Variants in GPR158 observed in about 807,000 individuals in gnomAD.
GPR158 encodes the protein G protein-coupled receptor 158, also known as metabotropic glycine receptor.
In GPR158, 30 loss-of-function variants were observed where a neutral mutation model predicts 78.2. The ratio of observed to expected loss-of-function variants is 0.38; its 90% CI spans 0.29 to 0.52. GPR158 has a LOEUF of 0.52. Among genes scored for constraint, GPR158 ranks in the 20% least tolerant of loss-of-function variants. The probability of loss-of-function intolerance (pLI) is 0.83; values close to 1 mark genes in which losing one functional copy is unlikely to be tolerated. For missense variants in GPR158, 1,463 were observed against 1,523.5 expected (o/e 0.96, Z 0.66); for synonymous variants, 581 against 591.1 (o/e 0.98, Z 0.25).
intron 9 of GPR158, 129 bp from the exon 10 acceptor site, chr10:25,596,514 T>C: frequency 1.6e-6 from 1 of 628,458 alleles, no homozygotes; most frequent in Non-Finnish European, 2.8e-6. Context: ...TATCTATATA[T>C]ATAGATAGAT....
At chr10:25,305,493 G>C (rs1416887356) in intron 2 of GPR158, among the ~76,000 whole-genome samples, 1 of 152,150 alleles carries the variant, frequency 6.6e-6, no homozygotes, top group Non-Finnish European at 1.5e-5. Context: ...TATTATATGT[G>C]AGTCCAGGAT....
chr10:25,494,050 A>G (rs919774358), intron 5 of GPR158, among the ~76,000 whole-genome samples: 18 of 152,184 alleles, frequency 1.2e-4, no homozygotes, highest in African/African-American at 4.1e-4. Context: ...AAACAATTTC[A>G]TCCATAATAA....
chr10:25,428,506 G>C (rs773997119), intron 4 of GPR158, among the ~76,000 whole-genome samples: 30 of 151,998 alleles, frequency 2.0e-4, no homozygotes, highest in Non-Finnish European at 3.5e-4. Context: ...CCAAGAGTTT[G>C]AGATTAAAAA....
chr10:25,581,122 G>C (rs1340277503), intron 7 of GPR158, among the ~76,000 whole-genome samples: 1 of 151,528 alleles, frequency 6.6e-6, no homozygotes. Flanking sequence ...TAGAGACGGG[G>C]TTTCACCTTG....
At chr10:25,200,868 G>GTTTTTTTTTTTTTT (rs56696555) in intron 1 of GPR158, among the ~76,000 whole-genome samples, 10 of 113,338 alleles carry the variant, frequency 8.8e-5, no homozygotes, top group East Asian at 7.2e-4. Flanking sequence ...TTTTTGTTTT[G>GTTTTTTTTTTTTTT]TTTTTTTTTT....
chr10:25,490,988 G>A (rs949171444), intron 5 of GPR158, among the ~76,000 whole-genome samples: 1 of 151,714 alleles, frequency 6.6e-6, no homozygotes, highest in African/African-American at 2.4e-5. Flanking sequence ...GAAAATTTGT[G>A]TTGGGGGGGT....
At position 25,341,169 on chromosome 10, in the gene GPR158, G is replaced by A. The variant is rs564970666; in HGVS notation, c.1009-54742G>A. Among the ~76,000 whole-genome samples, 4 of 152,026 alleles carry A rather than the reference G, an allele frequency of 2.6e-5. No homozygotes were observed. The South Asian group carries it at 8.3e-4, about 32-fold the overall frequency. ...AGTGAAGACAAATTTATCAGCATCA[G>A]AGCAGCACTAAAGAAAATATTAATG... On this transcript the variant is annotated intron_variant, in intron 2 of 10. Transcript: ENST00000376351.
chr10:25,386,596 CACTT>C (rs111884839), intron 2 of GPR158, among the ~76,000 whole-genome samples: 97,405 of 151,400 alleles, frequency 0.64, 32,263 homozygotes, highest in Non-Finnish European at 0.73. Context: ...ATGTCACTGT[CACTT>C]ATTTATGTCT....
rs1277958682 is a variant in GPR158, at chr10:25,431,891, T to G, written c.1335+19418T>G. ...GGGGGAGGGATAGCTTTAGGAGATATACCTAATGCTAAATGACGAGTTAAT... is the reference window on the plus strand; with the variant it reads ...GGGGGAGGGATAGCTTTAGGAGATAGACCTAATGCTAAATGACGAGTTAAT... On this transcript the variant is annotated intron_variant, in intron 4 of 10. Coordinates refer to ENST00000376351, the MANE Select transcript of GPR158 (RefSeq NM_020752.3). Among the ~76,000 whole-genome samples the G allele has an allele frequency of 2.0e-5, 3 of 152,192 alleles. No homozygotes were observed. In the South Asian group the frequency reaches 6.2e-4, roughly 32 times the overall value.
Position 25,323,135 on chromosome 10 carries a change from G to A in GPR158, c.1009-72776G>A, listed in dbSNP as rs188639471. Among the ~76,000 whole-genome samples the A allele has an allele frequency of 6.6e-5, 10 of 152,216 alleles. No homozygotes were observed. The East Asian group carries it at 1.7e-3, about 26-fold the overall frequency. ...GCTGGGATTACAGTTGTGAGCCACC[G>A]CGCCTGGCCTCTGATTGGCAAGTCT... On this transcript the variant is annotated intron_variant, in intron 2 of 10. Coordinates refer to ENST00000376351, the MANE Select transcript of GPR158 (RefSeq NM_020752.3).
At chr10:25,447,638 C>T (rs139074922) in intron 4 of GPR158, among the ~76,000 whole-genome samples, 2,231 of 152,256 alleles carry the variant, frequency 0.015, 34 homozygotes, top group Non-Finnish European at 0.023. Context: ...GTAGAAATAG[C>T]AGAAAGTTGT....
intron 2 of GPR158, among the ~76,000 whole-genome samples, chr10:25,326,377 TTGAG>T (rs751645983): frequency 4.6e-5 from 7 of 151,346 alleles, no homozygotes; most frequent in South Asian, 2.1e-4. Context: ...CCATTTTTAA[TTGAG>T]TATTTATTTT....
intron 1 of GPR158, among the ~76,000 whole-genome samples, chr10:25,213,055 T>C (rs1588738239): frequency 6.6e-6 from 1 of 152,340 alleles, no homozygotes; most frequent in East Asian, 1.9e-4. Flanking sequence ...TACTGAACTT[T>C]CTTATTCTCA....
chr10:25,297,684 C>G (rs1854535884), intron 2 of GPR158, among the ~76,000 whole-genome samples: 1 of 152,156 alleles, frequency 6.6e-6, no homozygotes, highest in African/African-American at 2.4e-5. Flanking sequence ...AGTTTAGTTA[C>G]TAGGCAACAT....
intron 4 of GPR158, among the ~76,000 whole-genome samples, chr10:25,444,412 A>G (rs1835110073): frequency 1.4e-5 from 2 of 146,792 alleles, no homozygotes; most frequent in Non-Finnish European, 3.0e-5. Context: ...TATGTGGGTG[A>G]GTGTGAGTGT....
intron 3 of GPR158, 49 bp downstream of exon 3, chr10:25,396,062 A>G (rs1834359198): frequency 1.3e-6 from 1 of 761,766 alleles, no homozygotes; most frequent in Non-Finnish European, 2.2e-6. Context: ...CATCATATAT[A>G]CTATTATTAC....
At chr10:25,291,576 A>G (rs117176097) in intron 2 of GPR158, among the ~76,000 whole-genome samples, 1 of 152,268 alleles carries the variant, frequency 6.6e-6, no homozygotes, top group Non-Finnish European at 1.5e-5. Context: ...ATAGAACTAA[A>G]GTTAGCATAC....
At chr10:25,485,371 A>G (rs926602283) in intron 5 of GPR158, among the ~76,000 whole-genome samples, 4 of 152,138 alleles carry the variant, frequency 2.6e-5, no homozygotes, top group African/African-American at 9.7e-5. Flanking sequence ...AGAGAAATAT[A>G]AAGACATCAT....
At chr10:25,314,840 C>CT (rs60100862) in intron 2 of GPR158, among the ~76,000 whole-genome samples, 59 of 124,148 alleles carry the variant, frequency 4.8e-4, no homozygotes, top group Admixed American at 2.6e-3. Context: ...TACATATACA[C>CT]GTATATACAT....
Sources: gnomAD v4.1 joint callset for allele counts (sites outside exome capture counted in the v4.1 genomes callset) on GRCh38, gnomAD v4.1.1 for gene constraint, MANE v1.5 for transcripts, NCBI Gene and HGNC (gene_info 2026-07-23, HGNC 2026-07-21) for gene names.